The following NSUN2 variants were observed in gnomAD, a reference collection of about 807,000 sequenced individuals.
NSUN2 encodes NOP2/Sun RNA methyltransferase 2.
In NSUN2, 63 loss-of-function variants were observed where a neutral mutation model predicts 92.7. That is an observed-to-expected ratio of 0.68 (90% CI 0.56 to 0.84). The LOEUF (loss-of-function observed/expected upper bound fraction) is 0.84. Ranked by LOEUF, NSUN2 falls within the 40% of genes least tolerant of loss-of-function variation. NSUN2 has a pLI of 0.00. For missense variants in NSUN2, 989 were observed against 964.9 expected (o/e 1.02, Z -0.33); for synonymous variants, 356 against 348.3 (o/e 1.02, Z -0.25).
rs778904126 is a variant in NSUN2, at chr5:6,632,678, G to A, written c.175C>T (p.Pro59Ser). Residue 59 changes from proline (P) to serine (S), a missense_variant, in exon 2 of 19, where the codon CCC (proline) becomes TCC (serine). Physicochemically the swap from Pro to Ser is moderately conservative, Grantham distance 74. Transcript: ENST00000264670. ...ATGAACTGGCCCCACTCGCCCTCGG[G>A]CACGATCTTGAGCTCCTGGTAGTAG... ...EHYYQELKIV[P>S]EGEWGQFMDA... is the part of the protein sequence containing the mutation. 12 of 1,614,146 alleles carry A rather than the reference G, an allele frequency of 7.4e-6. No individual in the cohort carries two copies. The highest frequency in any genetic ancestry group is 8.5e-6 in the Non-Finnish European group (10 of 1,180,022).
intron 3 of NSUN2, among the ~76,000 whole-genome samples, chr5:6,627,063 C>A (rs1160703613): frequency 6.6e-6 from 1 of 152,154 alleles, no homozygotes; most frequent in Non-Finnish European, 1.5e-5. Context: ...ACGAAACTGG[C>A]TGAATCTGTC....
rs964845225 is a variant in NSUN2 at position 6,616,108 on chromosome 5, A to G, written c.1021+619T>C. Among the ~76,000 whole-genome samples, 4 of 152,346 alleles carry G rather than the reference A, an allele frequency of 2.6e-5. No homozygotes were observed. In the South Asian group the frequency reaches 8.3e-4, roughly 32 times the overall value. On this transcript the variant is annotated intron_variant, in intron 9 of 18. Coordinates refer to ENST00000264670, the MANE Select transcript of NSUN2 (RefSeq NM_017755.6). Reference sequence around the variant, plus strand: ...TGGTGGGGTCCCCCCAAAATTAAACACAGAATTACTATATGATCATATGAT... The same window carrying G: ...TGGTGGGGTCCCCCCAAAATTAAACGCAGAATTACTATATGATCATATGAT...
intron 8 of NSUN2, 54 bp from the exon 9 acceptor site, chr5:6,616,911 T>A (rs1314453953): frequency 6.6e-7 from 1 of 1,508,672 alleles, no homozygotes; most frequent in Non-Finnish European, 9.0e-7. Flanking sequence ...GAAGTGCACA[T>A]ATTAGAAGCA....
intron 9 of NSUN2, among the ~76,000 whole-genome samples, chr5:6,612,871 A>G (rs1231064742): frequency 6.6e-6 from 1 of 152,186 alleles, no homozygotes; most frequent in African/African-American, 2.4e-5. Flanking sequence ...TGCCAATGCT[A>G]CCCCATGTTG....
intron 4 of NSUN2, 69 bp downstream of exon 4, chr5:6,625,495 A>G: frequency 8.5e-7 from 1 of 1,182,920 alleles, no homozygotes; most frequent in Non-Finnish European, 1.2e-6. Context: ...GAACCTAAAA[A>G]CAGAACTACA....
chr5:6,604,300 G>C (rs374187126), intron 16 of NSUN2, 24 bp from the exon 17 acceptor site: 3 of 1,574,062 alleles, frequency 1.9e-6, no homozygotes, highest in East Asian at 2.2e-5. Flanking sequence ...GAGAATGAGA[G>C]AACAGATACC....
intron 6 of NSUN2, 91 bp downstream of exon 6, chr5:6,621,925 C>A: frequency 8.9e-7 from 1 of 1,119,468 alleles, no homozygotes; most frequent in East Asian, 2.4e-5. Context: ...GACTTTAGAG[C>A]CAAATTAGCA....
intron 11 of NSUN2, 81 bp from the exon 12 acceptor site, chr5:6,610,003 G>A (rs1736923636): frequency 3.3e-6 from 3 of 916,994 alleles, no homozygotes; most frequent in Admixed American, 2.7e-5. Flanking sequence ...CCGCAAAGAT[G>A]ATACAAGAGA....
chr5:6,611,194 T>C (rs970543490), intron 10 of NSUN2, 109 bp from the exon 11 acceptor site: 8 of 1,241,760 alleles, frequency 6.4e-6, no homozygotes, highest in East Asian at 2.4e-5. Context: ...TGATTCTCAT[T>C]CACTCCAAAG....
rs759204163 is a variant in NSUN2 at position 6,599,985 on chromosome 5, C to T, written c.2245G>A (p.Ala749Thr). The T allele has an allele frequency of 3.1e-6, 5 of 1,614,082 alleles. No homozygotes were observed. In the East Asian group the frequency reaches 1.1e-4, roughly 36 times the overall value. Reference protein sequence around the residue: ...GEPNSPDAEEANSPDVTAGCD... With the variant: ...GEPNSPDAEETNSPDVTAGCD... ...CCTGCTGTCACGTCTGGACTGTTGGCCTCTTCTGCATCTGGGCTGTTGGGC... is the reference window on the plus strand; with the variant it reads ...CCTGCTGTCACGTCTGGACTGTTGGTCTCTTCTGCATCTGGGCTGTTGGGC... The change falls in exon 19 of 19, where the codon GCC becomes ACC. Residue 749 changes from alanine to threonine, a missense_variant. Transcript: ENST00000264670.
Position 6,604,579 on chromosome 5 carries a change from C to T in NSUN2, c.1818+26G>A, listed in dbSNP as rs201668305. On this transcript the variant is annotated intron_variant, in intron 16 of 18. Transcript: ENST00000264670. Reference sequence around the variant, plus strand: ...CTGCTTCAGTCATCTGTGGCTACTGCTGTTCAAATCCACTTCCAAAATTAC... The same window carrying T: ...CTGCTTCAGTCATCTGTGGCTACTGTTGTTCAAATCCACTTCCAAAATTAC... 835 of 1,598,544 alleles carry T rather than the reference C, an allele frequency of 5.2e-4. 16 individuals are homozygous for T. In the South Asian group the frequency reaches 8.6e-3, roughly 16 times the overall value.
At chr5:6,615,274 A>AAGC (rs1204831307) in intron 9 of NSUN2, among the ~76,000 whole-genome samples, 1 of 152,200 alleles carries the variant, frequency 6.6e-6, no homozygotes, top group Non-Finnish European at 1.5e-5. Context: ...AGGGATCTGA[A>AAGC]AGCAGACTGT....
chr5:6,630,317 CCT>C (rs1737824856), intron 3 of NSUN2, among the ~76,000 whole-genome samples: 1 of 151,898 alleles, frequency 6.6e-6, no homozygotes, highest in Admixed American at 6.6e-5. Context: ...TTCTTTTTTC[CCT>C]TTTTGAGACA....
chr5:6,618,145 T>A, intron 7 of NSUN2, 121 bp from the exon 8 acceptor site: 1 of 642,314 alleles, frequency 1.6e-6, no homozygotes, highest in Non-Finnish European at 2.7e-6. Context: ...TAGGAAACAA[T>A]CTCCATTTTC....
chr5:6,632,419 G>A (rs1737956704), intron 2 of NSUN2, among the ~76,000 whole-genome samples, 180 bp downstream of exon 2: 1 of 152,190 alleles, frequency 6.6e-6, no homozygotes, highest in East Asian at 1.9e-4. Context: ...CCTTGCGCCT[G>A]CAATACCTCC....
chr5:6,607,731 C>T (rs1013960226), intron 12 of NSUN2, among the ~76,000 whole-genome samples: 1 of 152,180 alleles, frequency 6.6e-6, no homozygotes, highest in African/African-American at 2.4e-5. Flanking sequence ...ACACAAAGTG[C>T]ACCAAGCACG....
intron 9 of NSUN2, among the ~76,000 whole-genome samples, 185 bp from the exon 10 acceptor site, chr5:6,611,983 G>A (rs1579363466): frequency 6.6e-6 from 1 of 152,192 alleles, no homozygotes; most frequent in Non-Finnish European, 1.5e-5. Flanking sequence ...GGCCGATGGG[G>A]CTCAGCTGGA....
intron 3 of NSUN2, among the ~76,000 whole-genome samples, chr5:6,629,001 C>T (rs1260628885): frequency 2.0e-5 from 3 of 152,324 alleles, no homozygotes; most frequent in African/African-American, 7.2e-5. Context: ...ACCGTCATGA[C>T]ATCACTGCAC....
intron 9 of NSUN2, among the ~76,000 whole-genome samples, chr5:6,616,382 T>C (rs1402660768): frequency 2.6e-5 from 4 of 152,166 alleles, no homozygotes; most frequent in Admixed American, 2.0e-4. Context: ...GACGCTGCAG[T>C]AAGTTAAATA....
Sources: allele counts gnomAD v4.1 joint callset (sites outside exome capture counted in the v4.1 genomes callset), GRCh38; gene constraint gnomAD v4.1.1; transcripts MANE v1.5; gene names NCBI Gene and HGNC (gene_info 2026-07-23, HGNC 2026-07-21).